The following DUSP12 variants were observed in gnomAD, a reference collection of about 807,000 sequenced individuals.
DUSP12 encodes the protein dual specificity protein phosphatase 12.
In DUSP12, 25 loss-of-function variants were observed where a neutral mutation model predicts 38.9. The ratio of observed to expected loss-of-function variants is 0.64; its 90% CI spans 0.47 to 0.90. The LOEUF (loss-of-function observed/expected upper bound fraction) is 0.90, where lower values mean the gene tolerates loss of function less well. Among genes scored for constraint, DUSP12 ranks in the 40% least tolerant of loss-of-function variants. DUSP12 has a pLI of 0.00. For synonymous variants in DUSP12, 153 were observed against 153.9 expected (o/e 0.99, Z 0.05); for missense variants, 403 against 427.0 (o/e 0.94, Z 0.50).
Position 161,753,198 on chromosome 1 carries a change from A to C in DUSP12, c.798A>C (p.Thr266=), listed in dbSNP as rs1162018210. 8 of 1,613,928 alleles carry C rather than the reference A, an allele frequency of 5.0e-6. No homozygotes were observed. In the African/African-American group the frequency reaches 8.0e-5, roughly 16 times the overall value. The part of the protein sequence containing the change: ...MLTTGRQAQC[T]SYFIEPVQWM... ...CCACAGGGAGGCAAGCTCAATGTAC[A>C]TCTTATTTCATTGAACCTGTACAGT... Residue 266 remains threonine (T), a synonymous_variant, in exon 5 of 6, where the codon ACA becomes ACC. Transcript: ENST00000367943.
chr1:161,750,422 A>G (rs1331667690), intron 1 of DUSP12, among the ~76,000 whole-genome samples: 1 of 152,190 alleles, frequency 6.6e-6, no homozygotes, highest in Non-Finnish European at 1.5e-5. Context: ...AATTACCTAC[A>G]CCCTAAGGAG....
At chr1:161,756,682 G>A (rs1684115460) in intron 5 of DUSP12, 104 bp from the exon 6 acceptor site, 8 of 1,305,824 alleles carry the variant, frequency 6.1e-6, no homozygotes, top group Admixed American at 4.3e-5. Flanking sequence ...TAAACTCAAC[G>A]TGGGGATCGT....
chr1:161,753,733 AAAG>A lies in DUSP12; in HGVS notation c.861+475_861+477del, dbSNP rs781484469. ...AAAAATTTTTAATAAGAAAAAAAGA[AAAG>A]AAAAAATGTATTAAACAAAATTTGA... On this transcript the variant is annotated intron_variant, in intron 5 of 5. Coordinates refer to ENST00000367943, the MANE Select transcript of DUSP12 (RefSeq NM_007240.3). 1.2e-3 allele frequency among the ~76,000 whole-genome samples: 186 copies of A among 152,316 alleles called. 2 individuals are homozygous for A. Among genetic ancestry groups the A allele is most frequent in the Non-Finnish European group, 1.3e-3 (91 of 68,030 alleles).
chr1:161,750,989 G>A (rs772001142), intron 1 of DUSP12: 4 of 152,180 alleles, frequency 2.6e-5, no homozygotes, highest in Admixed American at 6.5e-5. Flanking sequence ...TATAATAATC[G>A]TTTAAATTTA....
rs1382480892 is a variant in DUSP12, at chr1:161,749,933, G to A, written c.132G>A (p.Glu44=). ...TCGGTGGGGCCGCGGCCGTCGCGGA[G>A]CCAGATCACCTGAGGGAAGCGGGCA... ...LYFGGAAAVA[E]PDHLREAGIT... The change falls in exon 1 of 6, where the codon GAG becomes GAA. Residue 44 remains glutamate, a synonymous_variant. Transcript: ENST00000367943. 12 of 1,613,946 alleles carry A rather than the reference G, an allele frequency of 7.4e-6. No homozygotes were observed. The South Asian group carries it at 1.2e-4, about 16-fold the overall frequency.
chr1:161,753,220 C>T lies in DUSP12; in HGVS notation c.820C>T (p.Gln274Ter). 2.5e-6 allele frequency: 4 copies of T among 1,611,654 alleles called. No individual in the cohort carries two copies. The highest frequency in any genetic ancestry group is 4.5e-5 in the East Asian group (2 of 44,774). ...TACATCTTATTTCATTGAACCTGTA[C>T]AGTGGATGGAATCTGCTTTGTTGGG... ...QCTSYFIEPV[Q>*]WMESALLGVM... The change falls in exon 5 of 6, where the codon CAG becomes TAG. Residue 274 changes from glutamine (Q) to a stop codon, truncating the protein, a stop_gained. Transcript: ENST00000367943. LOFTEE classifies it high-confidence loss of function.
Position 161,750,141 on chromosome 1 carries a change from C to G in DUSP12, c.340C>G (p.His114Asp). The G allele has an allele frequency of 6.2e-7, 1 of 1,611,204 alleles. No homozygotes were observed. ...ARAEGRAVLV[H>D]CHAGVSRSVA... ...CGCTGAGGGCCGTGCGGTGTTGGTG[C>G]ACTGGTGAGTGGCCGGGTCAGTGGG... The change falls in exon 1 of 6, where the codon CAC becomes GAC. Residue 114 changes from histidine to aspartate, a missense_variant. His to Asp is a moderately conservative substitution (Grantham distance 81). Transcript: ENST00000367943.
At position 161,757,179 on chromosome 1, in the gene DUSP12, T is replaced by C; in HGVS notation, c.*232T>C. The C allele has an allele frequency of 3.0e-6, 1 of 335,814 alleles. No homozygotes were observed. Among genetic ancestry groups the C allele is most frequent in the Non-Finnish European group, 5.4e-6 (1 of 184,342 alleles). The allele number at this position is 335,814 out of a possible 1,614,324, so 20.8% of individuals were successfully genotyped here. A position where few individuals can be genotyped will look rare whatever the true frequency, so the allele number is the denominator to read the frequency against. On this transcript the variant is annotated 3_prime_UTR_variant, in exon 6 of 6. Transcript: ENST00000367943. ...ATAACCAGATACTGTCTGTGTTTCA[T>C]ATATTTTTAAAAGTTTTGATTGTTG... is the stretch of plus-strand genomic sequence containing the variant.
chr1:161,756,369 T>C (rs1419498825), intron 5 of DUSP12, among the ~76,000 whole-genome samples: 1 of 151,984 alleles, frequency 6.6e-6, no homozygotes, highest in East Asian at 1.9e-4. Flanking sequence ...ATCTGACTTA[T>C]ATGCTGTCAA....
chr1:161,756,037 G>T (rs1684101802), intron 5 of DUSP12, among the ~76,000 whole-genome samples: 1 of 152,038 alleles, frequency 6.6e-6, no homozygotes, highest in African/African-American at 2.4e-5. Flanking sequence ...TGTGTTTTTA[G>T]TAGAGACGGG....
At chr1:161,752,999 AG>A in intron 4 of DUSP12, 75 bp from the exon 5 acceptor site, 5 of 1,449,614 alleles carry the variant, frequency 3.4e-6, no homozygotes, top group South Asian at 2.8e-5. Flanking sequence ...CAAAAAAAAA[AG>A]AAATACCGCA....
chr1:161,753,277 A>T lies in DUSP12; in HGVS notation c.861+16A>T, dbSNP rs748085831. ...GGATGGACAGGTGAGAACACATTTT[A>T]TTTTCTACAATTTTATTTTATGATC... On this transcript the variant is annotated intron_variant, in intron 5 of 5. Transcript: ENST00000367943. 2 of 1,512,852 alleles carry T rather than the reference A, an allele frequency of 1.3e-6. No individual in the cohort carries two copies. The highest frequency in any genetic ancestry group is 1.8e-6 in the Non-Finnish European group (2 of 1,125,478). The allele number at this position is 1,512,852 out of a possible 1,614,324, so 93.7% of individuals were successfully genotyped here.
rs935771319 is a variant in DUSP12, at chr1:161,750,111, G to T, written c.310G>T (p.Ala104Ser). The T allele has an allele frequency of 1.9e-6, 3 of 1,613,870 alleles. No homozygotes were observed. The highest frequency in any genetic ancestry group is 2.5e-6 in the Non-Finnish European group (3 of 1,179,946). ...LDRCVAFIGQ[A>S]RAEGRAVLVH... is the part of the protein sequence containing the mutation. ...CCGGTGCGTGGCCTTCATCGGTCAG[G>T]CCCGCGCTGAGGGCCGTGCGGTGTT... Residue 104 changes from alanine (A) to serine (S), a missense_variant, in exon 1 of 6, where the codon GCC (alanine) becomes TCC (serine). Coordinates refer to ENST00000367943, the MANE Select transcript of DUSP12 (RefSeq NM_007240.3).
Position 161,751,981 on chromosome 1 carries a change from C to G in DUSP12, c.574C>G (p.Pro192Ala), listed in dbSNP as rs199921040. ...YRLQKVTEKY[P>A]ELQNLPQELF... ...TTTACAAAAGGTTACAGAGAAGTATCCAGGTAAGTAATAATTGCTAGTGTG... is the reference window on the plus strand; with the variant it reads ...TTTACAAAAGGTTACAGAGAAGTATGCAGGTAAGTAATAATTGCTAGTGTG... Residue 192 changes from proline to alanine, a missense_variant, in exon 3 of 6, where the codon CCA (proline) becomes GCA (alanine). Coordinates refer to ENST00000367943, the MANE Select transcript of DUSP12 (RefSeq NM_007240.3). 104 of 1,595,232 alleles carry G rather than the reference C, an allele frequency of 6.5e-5. 1 individual carries two copies. The highest frequency in any genetic ancestry group is 3.9e-4 in the Middle Eastern group (2 of 5,170).
At position 161,750,125 on chromosome 1, in the gene DUSP12, C is replaced by T. The variant is rs761344690; in HGVS notation, c.324C>T (p.Gly108=). ...TCATCGGTCAGGCCCGCGCTGAGGG[C>T]CGTGCGGTGTTGGTGCACTGGTGAG... ...VAFIGQARAE[G]RAVLVHCHAG... is the part of the protein sequence containing the mutation. The change falls in exon 1 of 6, where the codon GGC becomes GGT. Residue 108 remains glycine (G), a synonymous_variant. Coordinates refer to ENST00000367943, the MANE Select transcript of DUSP12 (RefSeq NM_007240.3). 2.2e-5 allele frequency: 35 copies of T among 1,613,396 alleles called. No individual in the cohort carries two copies. The African/African-American group carries it at 4.4e-4, about 20-fold the overall frequency.
At position 161,756,769 on chromosome 1, in the gene DUSP12, C is replaced by T. The variant is rs1346402239; in HGVS notation, c.862-17C>T. ...ATAAAAGTGAATGAATAAAGTAACA[C>T]ATTTGCTTTATTTCAGCTTCTTTGC... On this transcript the variant is annotated splice_polypyrimidine_tract_variant and intron_variant, in intron 5 of 5. Transcript: ENST00000367943. The T allele has an allele frequency of 1.2e-6, 2 of 1,609,134 alleles. No homozygotes were observed. Among genetic ancestry groups the T allele is most frequent in the African/African-American group, 1.3e-5 (1 of 74,750 alleles).
chr1:161,754,651 C>T (rs543485373), intron 5 of DUSP12, among the ~76,000 whole-genome samples: 14 of 152,294 alleles, frequency 9.2e-5, no homozygotes, highest in African/African-American at 2.6e-4. Flanking sequence ...CTGTCAAACA[C>T]TTATAAAACC....
Position 161,751,655 on chromosome 1 carries a change from G to T in DUSP12, c.345-13G>T. 1 of 1,581,854 alleles carries T rather than the reference G, an allele frequency of 6.3e-7. No individual in the cohort carries two copies. Among genetic ancestry groups the T allele is most frequent in the Non-Finnish European group, 8.5e-7 (1 of 1,170,634 alleles). ...TGCTATTTGCTGTTTTATTTTAAAG[G>T]TCTCTTTTTCAGTCATGCAGGAGTC... On this transcript the variant is annotated splice_polypyrimidine_tract_variant and intron_variant, in intron 1 of 5. Transcript: ENST00000367943.
rs1684022590 is a variant in DUSP12 at position 161,751,741 on chromosome 1, A to G, written c.418A>G (p.Lys140Glu). 1 of 1,613,664 alleles carries G rather than the reference A, an allele frequency of 6.2e-7. No homozygotes were observed. The highest frequency in any genetic ancestry group is 8.5e-7 in the Non-Finnish European group (1 of 1,179,846). Residue 140 changes from lysine (K) to glutamate (E), a missense_variant, in exon 2 of 6, where the codon AAA becomes GAA. Physicochemically the swap from Lys to Glu is moderately conservative, Grantham distance 56. Transcript: ENST00000367943. ...LMKTDQLPFE[K>E]AYEKLQILKP... Reference sequence around the variant, plus strand: ...GAAGACTGACCAACTTCCCTTTGAAAAAGCCTATGAAAAGCTCCAGATTCT... The same window carrying G: ...GAAGACTGACCAACTTCCCTTTGAAGAAGCCTATGAAAAGCTCCAGATTCT...
Sources: allele counts gnomAD v4.1 joint callset (sites outside exome capture counted in the v4.1 genomes callset), GRCh38; gene constraint gnomAD v4.1.1; transcripts MANE v1.5; gene names NCBI Gene and HGNC (gene_info 2026-07-23, HGNC 2026-07-21).